Variants in ZNF337 observed in about 807,000 individuals in gnomAD.
The protein encoded by ZNF337 is zinc finger protein 337.
Under a neutral mutation model 12.1 loss-of-function variants are expected in ZNF337, and 8 were observed. That is an observed-to-expected ratio of 0.66 (90% CI 0.39 to 1.19). The LOEUF (loss-of-function observed/expected upper bound fraction) is 1.19. Ranked by LOEUF, ZNF337 falls within the 50% of genes most tolerant of loss-of-function variation. The pLI is 0.01. For synonymous variants in ZNF337, 336 were observed against 320.0 expected (o/e 1.05, Z -0.53); for missense variants, 882 against 896.6 (o/e 0.98, Z 0.21).
At chr20:25,688,966 GAAAATACAAA>G (rs1233858234) in intron 1 of ZNF337, among the ~76,000 whole-genome samples, 2 of 151,892 alleles carry the variant, frequency 1.3e-5, no homozygotes, top group African/African-American at 4.8e-5. Context: ...CGTCTCTACT[GAAAATACAAA>G]AAAATACAAA....
At chr20:25,682,701 G>A (rs1397985317) in intron 4 of ZNF337, among the ~76,000 whole-genome samples, 1 of 152,096 alleles carries the variant, frequency 6.6e-6, no homozygotes, top group Non-Finnish European at 1.5e-5. Flanking sequence ...CAGGCATGGT[G>A]GTGAGGACAT....
chr20:25,682,175 A>T (rs1345808165), intron 4 of ZNF337, among the ~76,000 whole-genome samples: 2 of 152,212 alleles, frequency 1.3e-5, no homozygotes, highest in Non-Finnish European at 2.9e-5. Flanking sequence ...CACCAAAAAA[A>T]ATCTTAGGAA....
intron 4 of ZNF337, among the ~76,000 whole-genome samples, chr20:25,680,001 G>C (rs536782366): frequency 6.6e-6 from 1 of 152,162 alleles, no homozygotes; most frequent in Admixed American, 6.5e-5. Flanking sequence ...GTCATTTACA[G>C]CAGTATCATT....
chr20:25,688,978 A>C (rs1600449357), intron 1 of ZNF337, among the ~76,000 whole-genome samples: 1 of 152,028 alleles, frequency 6.6e-6, no homozygotes, highest in East Asian at 1.9e-4. Flanking sequence ...AAATACAAAA[A>C]AATACAAAAA....
At chr20:25,677,191 C>G (rs552528664) in intron 4 of ZNF337, 154 bp from the exon 5 acceptor site, 1 of 695,172 alleles carries the variant, frequency 1.4e-6, no homozygotes, top group Admixed American at 3.2e-5. Context: ...AAAATTGAAG[C>G]AGGGCAGGGA....
At chr20:25,688,925 T>C (rs2122449710) in intron 1 of ZNF337, among the ~76,000 whole-genome samples, 1 of 152,148 alleles carries the variant, frequency 6.6e-6, no homozygotes, top group South Asian at 2.1e-4. Flanking sequence ...GGTCAGGAGA[T>C]TGAGACCGTC....
At position 25,696,661 on chromosome 20, in the gene ZNF337, C is replaced by G. The variant is rs2065934628; in HGVS notation, c.-50+98G>C. 4.7e-6 allele frequency: 4 copies of G among 843,016 alleles called. No individual in the cohort carries two copies. In the South Asian group the frequency reaches 2.2e-4, roughly 46 times the overall value. The allele number at this position is 843,016 out of a possible 1,614,324, so 52.2% of individuals were successfully genotyped here. ...GCCGGGCCTGGAGGAGCGCGCGCTA[C>G]GGCCCCAGCAGCGCCCTCACGTCCC... On this transcript the variant is annotated intron_variant, in intron 1 of 4. Coordinates refer to ENST00000252979, the MANE Select transcript of ZNF337 (RefSeq NM_015655.4).
Position 25,686,466 on chromosome 20 carries a change from T to C in ZNF337, c.-49A>G, listed in dbSNP as rs2065834798. On this transcript the variant is annotated splice_region_variant and 5_prime_UTR_variant, in exon 2 of 5. Coordinates refer to ENST00000252979, the MANE Select transcript of ZNF337 (RefSeq NM_015655.4). ...AGAAGGGAAGCTTGCAGATGGCCAA[T>C]CTGTGGGAGGAGAGAAGTCAGAGGG... 1 of 1,611,036 alleles carries C rather than the reference T, an allele frequency of 6.2e-7. No individual in the cohort carries two copies.
In ZNF337 at chr20:25,675,949, G is replaced by A; in HGVS notation, c.1339C>T (p.Leu447Phe). The change falls in exon 5 of 5, where the codon CTT becomes TTT. Residue 447 changes from leucine (L) to phenylalanine (F), a missense_variant. Transcript: ENST00000252979. ...GAGTGTGTGATCTGATGTTTCACAA[G>A]GGTTGACTTCTGAATAAATCCTTGC... ...CGQGFIQKST[L>F]VKHQITHSEE... 1 of 1,613,200 alleles carries A rather than the reference G, an allele frequency of 6.2e-7. No individual in the cohort carries two copies. Among genetic ancestry groups the A allele is most frequent in the Non-Finnish European group, 8.5e-7 (1 of 1,179,782 alleles).
At position 25,675,116 on chromosome 20, in the gene ZNF337, A is replaced by G. The variant is rs1405133163; in HGVS notation, c.2172T>C (p.Asn724=). Residue 724 remains asparagine, a synonymous_variant, in exon 5 of 5, where the codon AAT becomes AAC. Transcript: ENST00000252979. The part of the protein sequence containing the change: ...ECQECGRKFS[N]KSYYSKHLKR... ...TTAAGTGCTTACTGTAGTATGACTT[A>G]TTGCTAAACTTTCGTCCACACTCTT... 2 of 1,614,068 alleles carry G rather than the reference A, an allele frequency of 1.2e-6. No individual in the cohort carries two copies. Among genetic ancestry groups the G allele is most frequent in the Non-Finnish European group, 1.7e-6 (2 of 1,180,028 alleles).
chr20:25,676,594 CTGTG>C lies in ZNF337; in HGVS notation c.690_693del (p.His230GlnfsTer81). ...ACACTGCACACATAGGACTTCTCTC[CTGTG>C]TGTGTGTTCTGGTGCAAGAGCAATG... is the stretch of plus-strand genomic sequence containing the variant. On this transcript the variant is annotated frameshift_variant, in exon 5 of 5. Transcript: ENST00000252979. LOFTEE classifies it low-confidence loss of function (END_TRUNC). The C allele has an allele frequency of 1.2e-6, 2 of 1,614,070 alleles. No individual in the cohort carries two copies. The highest frequency in any genetic ancestry group is 1.7e-6 in the Non-Finnish European group (2 of 1,179,954).
At chr20:25,685,704 A>G in intron 3 of ZNF337, 42 bp from the exon 4 acceptor site, 1 of 1,563,260 alleles carries the variant, frequency 6.4e-7, no homozygotes, top group Non-Finnish European at 8.8e-7. Flanking sequence ...TCCTGGTTGT[A>G]GGCTCCACGG....
At position 25,675,718 on chromosome 20, in the gene ZNF337, C is replaced by T; in HGVS notation, c.1570G>A (p.Gly524Ser). 6.2e-7 allele frequency: 1 copy of T among 1,613,700 alleles called. No homozygotes were observed. Among genetic ancestry groups the T allele is most frequent in the South Asian group, 1.1e-5 (1 of 91,054 alleles). ...GTGAGATTTGGCTTCAAGGTAAAGCCTCGCCCACAATCCCTGCAGAAAAAA... is the reference window on the plus strand; with the variant it reads ...GTGAGATTTGGCTTCAAGGTAAAGCTTCGCCCACAATCCCTGCAGAAAAAA... Reference protein sequence around the residue: ...KRFFCRDCGRGFTLKPNLTIH... With the variant: ...KRFFCRDCGRSFTLKPNLTIH... Residue 524 changes from glycine (G) to serine (S), a missense_variant, in exon 5 of 5, where the codon GGC (glycine) becomes AGC (serine). Physicochemically the swap from Gly to Ser is moderately conservative, Grantham distance 56 (BLOSUM62 0). Transcript: ENST00000252979.
chr20:25,694,123 T>C (rs1035681691), intron 1 of ZNF337, among the ~76,000 whole-genome samples: 5 of 152,174 alleles, frequency 3.3e-5, no homozygotes, highest in African/African-American at 9.7e-5. Context: ...TTGATATTCA[T>C]TATAATATTT....
chr20:25,693,298 AACTCCTGGCCTCAGG>A lies in ZNF337; in HGVS notation c.-50+3446_-50+3460del, dbSNP rs200728299. On this transcript the variant is annotated intron_variant, in intron 1 of 4. Transcript: ENST00000252979. Reference sequence around the variant, plus strand: ...CACCATGTTGGCCAGGCTGGTCTCGAACTCCTGGCCTCAGGTAATCTGCCCGCCTTGGCCTCCCAA... The same window carrying A: ...CACCATGTTGGCCAGGCTGGTCTCGATAATCTGCCCGCCTTGGCCTCCCAA... Among the ~76,000 whole-genome samples, 919 of 152,308 alleles carry A rather than the reference AACTCCTGGCCTCAGG, an allele frequency of 6.0e-3. 6 individuals are homozygous for A. The highest frequency in any genetic ancestry group is 0.031 in the Middle Eastern group (9 of 294).
rs2065710676 is a variant in ZNF337, at chr20:25,677,227, A to C, written c.251-190T>G. ...GGAATTCTTCCTAACTCATTCTAAAAGGCCAGCATTATCCTGATACCAAAA... is the reference window on the plus strand; with the variant it reads ...GGAATTCTTCCTAACTCATTCTAAACGGCCAGCATTATCCTGATACCAAAA... On this transcript the variant is annotated intron_variant, in intron 4 of 4. Coordinates refer to ENST00000252979, the MANE Select transcript of ZNF337 (RefSeq NM_015655.4). 3 of 574,816 alleles carry C rather than the reference A, an allele frequency of 5.2e-6. No homozygotes were observed. The East Asian group carries it at 8.7e-5, about 17-fold the overall frequency. 35.6% of individuals were successfully genotyped at this position (574,816 alleles called of 1,614,324 possible). A position where few individuals can be genotyped will look rare whatever the true frequency, so the allele number is the denominator to read the frequency against.
chr20:25,690,382 C>T (rs577038591), intron 1 of ZNF337, among the ~76,000 whole-genome samples: 1 of 152,328 alleles, frequency 6.6e-6, no homozygotes, highest in Non-Finnish European at 1.5e-5. Context: ...ATGGAAAAAT[C>T]TCATGGTGAA....
chr20:25,685,672 G>T lies in ZNF337; in HGVS notation c.155-10C>A. On this transcript the variant is annotated splice_polypyrimidine_tract_variant and intron_variant, in intron 3 of 4. Coordinates refer to ENST00000252979, the MANE Select transcript of ZNF337 (RefSeq NM_015655.4). ...TTAGAATGGAGAATTCCTGCTCACA[G>T]GGAAAAAAACCATGAGGTGACTCCT... The T allele has an allele frequency of 6.2e-7, 1 of 1,612,566 alleles. No individual in the cohort carries two copies. Among genetic ancestry groups the T allele is most frequent in the Non-Finnish European group, 8.5e-7 (1 of 1,179,240 alleles).
intron 1 of ZNF337, among the ~76,000 whole-genome samples, chr20:25,695,543 C>G (rs375843046): frequency 1.1e-3 from 170 of 152,210 alleles, no homozygotes; most frequent in African/African-American, 3.7e-3. Flanking sequence ...ATATCTTTCT[C>G]TTATTGATTT....
Sources: allele counts gnomAD v4.1 joint callset (sites outside exome capture counted in the v4.1 genomes callset), GRCh38; gene constraint gnomAD v4.1.1; transcripts MANE v1.5; gene names NCBI Gene and HGNC (gene_info 2026-07-23, HGNC 2026-07-21).